Variants in IL1RN observed in about 807,000 individuals in gnomAD.
The protein encoded by IL1RN is interleukin-1 receptor antagonist protein.
IL1RN carries 10 observed loss-of-function variants against 13.7 expected under a neutral mutation model. That is an observed-to-expected ratio of 0.73 (90% CI 0.45 to 1.24). The LOEUF (loss-of-function observed/expected upper bound fraction) is 1.24. IL1RN is among the 50% of genes most tolerant of loss of function. The probability of loss-of-function intolerance (pLI) is 0.00; values close to 1 mark genes in which losing one functional copy is unlikely to be tolerated. For synonymous variants in IL1RN, 102 were observed against 82.7 expected (o/e 1.23, Z -1.27); for missense variants, 213 against 222.1 (o/e 0.96, Z 0.26).
chr2:113,102,090 T>C, the IL1RN span, among the ~76,000 whole-genome samples: 1 of 152,110 alleles, frequency 6.6e-6, no homozygotes. Context: ...CTTAAGGAGA[T>C]TGTCTTAGTC....
At chr2:113,101,309 G>C in the IL1RN span, among the ~76,000 whole-genome samples, 7 of 152,154 alleles carry the variant, frequency 4.6e-5, no homozygotes, top group Non-Finnish European at 1.0e-4. Flanking sequence ...TGTGGGAAGA[G>C]GCATTCACAT....
At chr2:113,114,793 C>G (rs919891621), upstream of IL1RN, among the ~76,000 whole-genome samples, 1 of 152,080 alleles carries the variant, frequency 6.6e-6, no homozygotes, top group African/African-American at 2.4e-5. Flanking sequence ...AGACACGGTG[C>G]TTGCTGTGAC....
the IL1RN span, among the ~76,000 whole-genome samples, chr2:113,100,280 C>T: frequency 1.1e-4 from 16 of 149,522 alleles, no homozygotes; most frequent in Admixed American, 2.0e-4. Context: ...GAGCCGAGAT[C>T]GCACCACTGC....
upstream of IL1RN, among the ~76,000 whole-genome samples, chr2:113,108,734 T>C (rs1686424758): frequency 6.6e-6 from 1 of 151,884 alleles, no homozygotes; most frequent in Non-Finnish European, 1.5e-5. Context: ...CAGTAAAAAA[T>C]GGTGAGGAAG....
chr2:113,122,736 C>T (rs1420970453), upstream of IL1RN, among the ~76,000 whole-genome samples: 1 of 152,200 alleles, frequency 6.6e-6, no homozygotes. Flanking sequence ...GGCCATTTCT[C>T]CTCTGGACCT....
intron 2 of IL1RN, 54 bp from the exon 3 acceptor site, chr2:113,130,991 A>G (rs1329033530): frequency 2.6e-6 from 3 of 1,154,894 alleles, no homozygotes; most frequent in African/African-American, 1.5e-5. Context: ...GGGTCTCTTC[A>G]TTATTGCTGC....
intron 1 of IL1RN, 40 bp from the exon 2 acceptor site, chr2:113,129,536 T>A (rs371803086): frequency 1.6e-6 from 2 of 1,271,732 alleles, no homozygotes; most frequent in Admixed American, 1.7e-5. Flanking sequence ...GCTGGGCACA[T>A]GGTGGCTGTG....
At chr2:113,122,649 A>G (rs1220738663), upstream of IL1RN, among the ~76,000 whole-genome samples, 1 of 152,232 alleles carries the variant, frequency 6.6e-6, no homozygotes, top group Non-Finnish European at 1.5e-5. Context: ...CGATCTTTAT[A>G]AAACACACCT....
At chr2:113,127,802 C>T in intron 1 of IL1RN, 62 bp downstream of exon 1, 3 of 1,554,438 alleles carry the variant, frequency 1.9e-6, no homozygotes, top group African/African-American at 1.4e-5. Flanking sequence ...AAACATATCA[C>T]AGCTGCCAGG....
chr2:113,099,717 T>C, the IL1RN span, among the ~76,000 whole-genome samples: 1 of 31,324 alleles, frequency 3.2e-5, no homozygotes, highest in African/African-American at 1.8e-4. Context: ...CAGCATCCTC[T>C]TCTTTCTTTT....
the IL1RN span, among the ~76,000 whole-genome samples, chr2:113,099,443 C>T: frequency 6.6e-6 from 1 of 152,238 alleles, no homozygotes; most frequent in Non-Finnish European, 1.5e-5. Context: ...TTCCAGGAAG[C>T]TGGTGAGCAG....
upstream of IL1RN, among the ~76,000 whole-genome samples, chr2:113,125,898 A>G (rs1686938697): frequency 6.6e-6 from 1 of 152,182 alleles, no homozygotes; most frequent in African/African-American, 2.4e-5. Context: ...TCCTGGGTTC[A>G]AGTGATCCTC....
intron 1 of IL1RN, chr2:113,119,998 C>A: frequency 8.2e-7 from 1 of 1,225,050 alleles, no homozygotes; most frequent in Non-Finnish European, 1.2e-6. Flanking sequence ...TTACCTTGGA[C>A]AAGTCATTCA....
At chr2:113,126,290 A>G (rs1686956792), upstream of IL1RN, among the ~76,000 whole-genome samples, 3 of 152,196 alleles carry the variant, frequency 2.0e-5, no homozygotes. Context: ...GCATTTGTTA[A>G]TAAAGCCCGG....
chr2:113,114,594 A>G (rs142791522), upstream of IL1RN, among the ~76,000 whole-genome samples: 114 of 152,250 alleles, frequency 7.5e-4, 1 homozygote, highest in Middle Eastern at 3.4e-3. Context: ...GACCACTTAC[A>G]AAGTTATGAT....
upstream of IL1RN, among the ~76,000 whole-genome samples, chr2:113,103,548 C>T (rs937893144): frequency 2.3e-4 from 35 of 152,134 alleles, no homozygotes; most frequent in African/African-American, 6.8e-4. Flanking sequence ...ATGGATTCTC[C>T]CCCAGAGTCC....
chr2:113,108,243 T>G (rs542765259), upstream of IL1RN, among the ~76,000 whole-genome samples: 428 of 151,468 alleles, frequency 2.8e-3, 5 homozygotes, highest in East Asian at 0.017. Context: ...CTTTTTTTTT[T>G]GGGGGGGGTT....
At chr2:113,108,256 A>AC (rs770968347), upstream of IL1RN, among the ~76,000 whole-genome samples, 82 of 151,758 alleles carry the variant, frequency 5.4e-4, no homozygotes, top group Non-Finnish European at 9.7e-4. Context: ...GGGGGGTTAT[A>AC]AATTTTTTTT....
At chr2:113,124,459 G>C (rs546100138), upstream of IL1RN, among the ~76,000 whole-genome samples, 23 of 152,068 alleles carry the variant, frequency 1.5e-4, no homozygotes, top group African/African-American at 5.1e-4. Context: ...TTTGGAGTCA[G>C]AGCAGGCTTG....
Sources: gnomAD v4.1 joint callset for allele counts (sites outside exome capture counted in the v4.1 genomes callset) on GRCh38, gnomAD v4.1.1 for gene constraint, MANE v1.5 for transcripts, NCBI Gene and HGNC (gene_info 2026-07-23, HGNC 2026-07-21) for gene names.